FAM149A: variants seen among roughly 807,000 people sequenced by gnomAD.
The protein encoded by FAM149A is family with sequence similarity 149 member A, also known as protein FAM149A.
Under a neutral mutation model 78.2 loss-of-function variants are expected in FAM149A, and 71 were observed. The observed-to-expected ratio is 0.91, with a 90% CI of 0.75 to 1.11. The LOEUF is 1.11. Ranked by LOEUF, FAM149A falls within the 50% of genes least tolerant of loss-of-function variation. The probability of loss-of-function intolerance (pLI) is 0.00; values close to 1 mark genes in which losing one functional copy is unlikely to be tolerated. For synonymous variants in FAM149A, 446 were observed against 410.5 expected, an observed-to-expected ratio of 1.09 and a Z score of -1.04; for missense variants, 1,036 against 971.0, an observed-to-expected ratio of 1.07 and a Z score of -0.89.
At position 186,163,499 on chromosome 4, in the gene FAM149A, C is replaced by G; in HGVS notation, c.1755C>G (p.Ala585=). ...CCGCACCGCACAGACTGGGACGGGC[C>G]TCAGACACTCATGGATTATCACCTT... Residue 585 remains alanine, a synonymous_variant, in exon 10 of 14, where the codon GCC becomes GCG. Coordinates refer to ENST00000389354, the MANE Select transcript of FAM149A (RefSeq NM_001367768.3). The G allele has an allele frequency of 6.2e-7, 1 of 1,614,144 alleles. No individual in the cohort carries two copies. Among genetic ancestry groups the G allele is most frequent in the East Asian group, 2.2e-5 (1 of 44,880 alleles).
chr4:186,149,930 C>G (rs1461068506), intron 3 of FAM149A, among the ~76,000 whole-genome samples: 1 of 152,174 alleles, frequency 6.6e-6, no homozygotes, highest in African/African-American at 2.4e-5. Context: ...CTTAGCTGCC[C>G]GCAGTTTTCT....
intron 10 of FAM149A, 49 bp downstream of exon 10, chr4:186,163,682 A>G (rs1734795567): frequency 5.8e-6 from 8 of 1,384,220 alleles, no homozygotes; most frequent in Non-Finnish European, 8.1e-6. Context: ...GAGGACCTAG[A>G]TGCTTCTCAG....
chr4:186,162,745 C>T, intron 8 of FAM149A, 100 bp from the exon 9 acceptor site: 1 of 648,300 alleles, frequency 1.5e-6, no homozygotes, highest in Non-Finnish European at 2.7e-6. Context: ...GGTGAGTGTG[C>T]CGGGTGTTTC....
rs2276924 is a variant in FAM149A at position 186,157,631 on chromosome 4, A to T, written c.1487A>T (p.His496Leu). The T allele has an allele frequency of 6.2e-7, 1 of 1,614,118 alleles. No homozygotes were observed. Residue 496 changes from histidine to leucine, a missense_variant, in exon 8 of 14, where the codon CAC (histidine) becomes CTC (leucine). Transcript: ENST00000389354. ...AGATTTCCGCACGTCCTCGTTCCAC[A>T]CGCTCACGCCGATGGAGCCAGTGGC...
At chr4:186,106,824 G>A (rs528602184) in intron 1 of FAM149A, among the ~76,000 whole-genome samples, 1 of 152,190 alleles carries the variant, frequency 6.6e-6, no homozygotes, top group African/African-American at 2.4e-5. Context: ...GTACGTGCCT[G>A]TAGTCCCAGC....
rs1732876689 is a variant in FAM149A, at chr4:186,144,861, A to C, written c.567-4312A>C. 1 of 968,714 alleles carries C rather than the reference A, an allele frequency of 1.0e-6. No homozygotes were observed. The highest frequency in any genetic ancestry group is 1.2e-6 in the Non-Finnish European group (1 of 824,960). 60.0% of individuals were successfully genotyped at this position (968,714 alleles called of 1,614,324 possible). A position where few individuals can be genotyped will look rare whatever the true frequency, so the allele number is the denominator to read the frequency against. Reference sequence around the variant, plus strand: ...GCGGGGCGGAGGATCTGGAGAGGGAAGGGGCGTGCGAGCCCCGCGGACCCC... The same window carrying C: ...GCGGGGCGGAGGATCTGGAGAGGGACGGGGCGTGCGAGCCCCGCGGACCCC... On this transcript the variant is annotated intron_variant, in intron 1 of 13. Transcript: ENST00000389354. This position sits in a 1 kb window ranked among gnomAD's most constrained non-coding sequence, Gnocchi z 4.2.
At chr4:186,169,201 T>G (rs1160029774) in intron 13 of FAM149A, 1 of 983,210 alleles carries the variant, frequency 1.0e-6, no homozygotes, top group African/African-American at 1.7e-5. Flanking sequence ...TATCAGTAAC[T>G]TTTTTTCCTT....
intron 1 of FAM149A, among the ~76,000 whole-genome samples, chr4:186,124,958 A>G (rs1295557592): frequency 6.6e-6 from 1 of 152,172 alleles, no homozygotes; most frequent in East Asian, 1.9e-4. Context: ...TCGCCATTCT[A>G]ACTGGTGTGA....
At chr4:186,158,174 A>G in intron 8 of FAM149A, 1 of 1,280,858 alleles carries the variant, frequency 7.8e-7, no homozygotes, top group Admixed American at 2.3e-5. Context: ...CACTGCTGCC[A>G]CCAGAGCCAC....
At position 186,106,464 on chromosome 4, in the gene FAM149A, A is replaced by G. The variant is rs568093493; in HGVS notation, c.566+822A>G. ...GGTAAATTTTCATCCTGAATGCTGC[A>G]AAGAAATAGTGAAATGGTCAAAGAC... On this transcript the variant is annotated intron_variant, in intron 1 of 13. Coordinates refer to ENST00000389354, the MANE Select transcript of FAM149A (RefSeq NM_001367768.3). 1.8e-3 allele frequency among the ~76,000 whole-genome samples: 278 copies of G among 152,334 alleles called. 1 individual carries two copies. Among genetic ancestry groups the G allele is most frequent in the Non-Finnish European group, 3.3e-3 (226 of 68,026 alleles).
chr4:186,167,609 CAGATTCTCTTTGAAAA>C, intron 13 of FAM149A: 1 of 303,302 alleles, frequency 3.3e-6, no homozygotes, highest in Non-Finnish European at 6.4e-6. Context: ...ACTCTACTCT[CAGATTCTCTTTGAAAA>C]TCTGATGATA....
intron 4 of FAM149A, among the ~76,000 whole-genome samples, chr4:186,152,526 T>G (rs940039701): frequency 2.0e-5 from 3 of 149,844 alleles, no homozygotes; most frequent in African/African-American, 7.4e-5. Flanking sequence ...GGCAAGCTTT[T>G]CTTTTCTTTT....
chr4:186,115,401 A>T (rs1236473473), intron 1 of FAM149A, among the ~76,000 whole-genome samples: 2 of 149,524 alleles, frequency 1.3e-5, no homozygotes, highest in African/African-American at 4.9e-5. Flanking sequence ...AGCTCGTCAA[A>T]GTCATTCTCC....
chr4:186,154,076 G>A (rs181492795), intron 5 of FAM149A, among the ~76,000 whole-genome samples: 20 of 152,260 alleles, frequency 1.3e-4, no homozygotes, highest in African/African-American at 4.1e-4. Flanking sequence ...GATGGAAACC[G>A]CCTCACTGTG....
intron 1 of FAM149A, among the ~76,000 whole-genome samples, chr4:186,141,305 G>C (rs2126412691): frequency 6.6e-6 from 1 of 152,058 alleles, no homozygotes; most frequent in East Asian, 1.9e-4. Flanking sequence ...TCAAAACTTA[G>C]TACAAAAAAA....
intron 1 of FAM149A, chr4:186,107,418 T>A (rs1340506472): frequency 6.6e-6 from 1 of 152,224 alleles, no homozygotes; most frequent in Non-Finnish European, 1.5e-5. Flanking sequence ...ATTGAATTTT[T>A]AAATTATTAT....
intron 9 of FAM149A, 92 bp downstream of exon 9, chr4:186,163,040 A>G (rs1734737765): frequency 1.4e-5 from 11 of 789,502 alleles, no homozygotes; most frequent in South Asian, 1.2e-4. Context: ...GAGATCACGA[A>G]GGTCCCATTT....
chr4:186,175,043 G>T lies in FAM149A; in HGVS notation c.*3056G>T, dbSNP rs1001077210. On this transcript the variant is annotated 3_prime_UTR_variant, in exon 14 of 14. Transcript: ENST00000389354. Reference sequence around the variant, plus strand: ...TATCCAAAACCAAAGAAAGAATGAAGAAATTTTAAAACAATCTAAGAAAAT... The same window carrying T: ...TATCCAAAACCAAAGAAAGAATGAATAAATTTTAAAACAATCTAAGAAAAT... Among the ~76,000 whole-genome samples, 3 of 110,480 alleles carry T rather than the reference G, an allele frequency of 2.7e-5. No homozygotes were observed. Among genetic ancestry groups the T allele is most frequent in the Non-Finnish European group, 6.8e-5 (3 of 43,930 alleles). 72.5% of individuals were successfully genotyped at this position (110,480 alleles called of 152,430 possible).
intron 1 of FAM149A, among the ~76,000 whole-genome samples, chr4:186,121,260 A>G (rs533251967): frequency 1.3e-5 from 2 of 152,328 alleles, no homozygotes; most frequent in African/African-American, 4.8e-5. Context: ...CTGTTCCTGC[A>G]CGTCAGCATT....
Sources: gnomAD v4.1 joint callset for allele counts (sites outside exome capture counted in the v4.1 genomes callset) on GRCh38, gnomAD v4.1.1 for gene constraint, Gnocchi (gnomAD v3.1) non-coding constraint, MANE v1.5 for transcripts, NCBI Gene and HGNC (gene_info 2026-07-23, HGNC 2026-07-21) for gene names.